The following MEGF11 variants were observed in gnomAD, a reference collection of about 807,000 sequenced individuals.
MEGF11 encodes the protein multiple epidermal growth factor-like domains protein 11.
MEGF11 carries 126 observed loss-of-function variants against 146.6 expected under a neutral mutation model. The observed-to-expected ratio is 0.86, with a 90% CI of 0.74 to 1.00. The LOEUF is 1.00. MEGF11 is among the 50% of genes least tolerant of loss of function. The pLI, the probability that MEGF11 is intolerant of heterozygous loss-of-function variation, is 0.00. For synonymous variants in MEGF11, 532 were observed against 583.4 expected (o/e 0.91, Z 1.27); for missense variants, 1,509 against 1,521.2 (o/e 0.99, Z 0.13).
At chr15:66,086,204 A>G (rs1293743611) in intron 5 of MEGF11, among the ~76,000 whole-genome samples, 1 of 152,224 alleles carries the variant, frequency 6.6e-6, no homozygotes, top group Middle Eastern at 3.2e-3. Flanking sequence ...TTCCTGAGGA[A>G]GAAGAGAATT....
intron 1 of MEGF11, among the ~76,000 whole-genome samples, chr15:66,229,707 A>T (rs2091927185): frequency 6.6e-6 from 1 of 151,686 alleles, no homozygotes; most frequent in Non-Finnish European, 1.5e-5. Context: ...CAAGGCTCCC[A>T]CAGGGAGGAA....
chr15:66,228,580 C>T (rs1054667987), intron 1 of MEGF11, among the ~76,000 whole-genome samples: 3 of 152,134 alleles, frequency 2.0e-5, no homozygotes, highest in Admixed American at 6.5e-5. Flanking sequence ...CAGCCCCTAC[C>T]CCAGAGAGAA....
At chr15:66,085,947 T>C (rs2086090408) in intron 5 of MEGF11, among the ~76,000 whole-genome samples, 1 of 152,016 alleles carries the variant, frequency 6.6e-6, no homozygotes, top group Non-Finnish European at 1.5e-5. Flanking sequence ...GGAGAAATAG[T>C]CAAGGAAATA....
intron 1 of MEGF11, among the ~76,000 whole-genome samples, chr15:66,130,429 A>T (rs1407087937): frequency 2.6e-5 from 4 of 152,126 alleles, no homozygotes; most frequent in Non-Finnish European, 5.9e-5. Flanking sequence ...CTCCCGAGAG[A>T]ACCTCCTGAC....
At chr15:66,056,018 C>T (rs1034625258) in intron 5 of MEGF11, among the ~76,000 whole-genome samples, 2 of 152,180 alleles carry the variant, frequency 1.3e-5, no homozygotes, top group Admixed American at 6.5e-5. Context: ...GAAATATGGT[C>T]CTAAACCAGC....
chr15:66,146,385 T>C (rs1438192443), intron 1 of MEGF11, among the ~76,000 whole-genome samples: 1 of 152,196 alleles, frequency 6.6e-6, no homozygotes, highest in Non-Finnish European at 1.5e-5. Flanking sequence ...TAGACAACAG[T>C]GTCAGCAGAC....
At chr15:66,159,420 G>C (rs138261827) in intron 1 of MEGF11, among the ~76,000 whole-genome samples, 39 of 152,318 alleles carry the variant, frequency 2.6e-4, no homozygotes, top group Middle Eastern at 6.8e-3. Flanking sequence ...CCCATTCCTA[G>C]TCCTGGGGTC....
At chr15:65,908,216 A>AG (rs2078689170) in intron 23 of MEGF11, among the ~76,000 whole-genome samples, 1 of 152,194 alleles carries the variant, frequency 6.6e-6, no homozygotes, top group South Asian at 2.1e-4. Context: ...TACTGGACCC[A>AG]GGGACCTGCA....
At chr15:66,102,103 T>C (rs1433843473) in intron 4 of MEGF11, among the ~76,000 whole-genome samples, 3 of 151,494 alleles carry the variant, frequency 2.0e-5, no homozygotes, top group African/African-American at 4.8e-5. Context: ...CTGGGCCTGA[T>C]AAAAGCTCCA....
In MEGF11 at chr15:66,044,558, TA is replaced by T. The variant is rs1487150815; in HGVS notation, c.394+49843del. Reference sequence around the variant, plus strand: ...TTCTGCATTAGGGGGTCACTTTTCTTAAAAATTGAACTGGTGTGCTGGCTCA... The same window carrying T: ...TTCTGCATTAGGGGGTCACTTTTCTTAAAATTGAACTGGTGTGCTGGCTCA... On this transcript the variant is annotated intron_variant, in intron 5 of 25. Coordinates refer to ENST00000395614, the MANE Select transcript of MEGF11 (RefSeq NM_001385028.1). Among the ~76,000 whole-genome samples the T allele has an allele frequency of 7.2e-5, 11 of 152,178 alleles. 1 individual carries two copies. The highest frequency in any genetic ancestry group is 2.6e-4 in the African/African-American group (11 of 41,512).
At chr15:66,107,059 C>CACCCCT (rs762104709) in intron 4 of MEGF11, among the ~76,000 whole-genome samples, 4 of 141,134 alleles carry the variant, frequency 2.8e-5, no homozygotes, top group Non-Finnish European at 4.7e-5. Context: ...TTCCTACCCC[C>CACCCCT]CCACCAGGTA....
chr15:65,916,084 C>T, intron 18 of MEGF11, 64 bp downstream of exon 18: 1 of 1,492,348 alleles, frequency 6.7e-7, no homozygotes, highest in South Asian at 1.3e-5. Context: ...GAAGTGGGAG[C>T]CATCCTCTGC....
chr15:66,138,116 G>A (rs962232455), intron 1 of MEGF11, among the ~76,000 whole-genome samples: 3 of 152,208 alleles, frequency 2.0e-5, no homozygotes, highest in East Asian at 3.9e-4. Flanking sequence ...ACAAAAAAGG[G>A]AGGGCCCTAC....
intron 1 of MEGF11, among the ~76,000 whole-genome samples, chr15:66,131,226 A>T (rs1345454732): frequency 6.6e-6 from 1 of 152,144 alleles, no homozygotes; most frequent in Non-Finnish European, 1.5e-5. Flanking sequence ...CAGGAGGCGT[A>T]CCTCTCACAC....
rs77904446 is a variant in MEGF11, at chr15:66,119,213, G to C, written c.201-27C>G. 6.9e-4 allele frequency: 1,008 copies of C among 1,453,042 alleles called. 6 individuals carry two copies. The African/African-American group carries it at 0.012, about 18-fold the overall frequency. The allele number at this position is 1,453,042 out of a possible 1,614,324, so 90.0% of individuals were successfully genotyped here. A position where few individuals can be genotyped will look rare whatever the true frequency, so the allele number is the denominator to read the frequency against. ...TAAGGCACAAGGGAGAAAGCCACTTGAAAGTATTGAAAATCAATCACTCCC... is the reference window on the plus strand; with the variant it reads ...TAAGGCACAAGGGAGAAAGCCACTTCAAAGTATTGAAAATCAATCACTCCC... On this transcript the variant is annotated intron_variant, in intron 3 of 25. Coordinates refer to ENST00000395614, the MANE Select transcript of MEGF11 (RefSeq NM_001385028.1).
intron 9 of MEGF11, among the ~76,000 whole-genome samples, chr15:65,958,369 C>T (rs184355938): frequency 6.6e-6 from 1 of 152,234 alleles, no homozygotes; most frequent in Non-Finnish European, 1.5e-5. Flanking sequence ...GGCAGGGGAT[C>T]CCTGGCATGA....
intron 1 of MEGF11, among the ~76,000 whole-genome samples, chr15:66,165,008 G>A (rs894077742): frequency 4.6e-5 from 7 of 152,150 alleles, no homozygotes; most frequent in African/African-American, 1.4e-4. Flanking sequence ...GGAGACTCCC[G>A]GACAGCAGAT....
intron 1 of MEGF11, among the ~76,000 whole-genome samples, chr15:66,187,941 G>A (rs548891567): frequency 6.6e-6 from 1 of 152,318 alleles, no homozygotes; most frequent in East Asian, 1.9e-4. Context: ...GAGGGATAAA[G>A]GGGTATCTCG....
In MEGF11 at chr15:66,094,485, G is replaced by A. The variant is rs145640631; in HGVS notation, c.311C>T (p.Thr104Met). 1.2e-4 allele frequency: 191 copies of A among 1,560,510 alleles called. 1 individual carries two copies. The African/African-American group carries it at 1.9e-3, about 16-fold the overall frequency. ...ESGDFCIPLC[T>M]EECVHGRCVS... ...GCAGCGGCCGTGCACACACTCCTCC[G>A]TACACAGGGCTGAGGGGACATGGGG... The change falls in exon 5 of 26, where the codon ACG (threonine) becomes ATG (methionine). Residue 104 changes from threonine (T) to methionine (M), a missense_variant. Coordinates refer to ENST00000395614, the MANE Select transcript of MEGF11 (RefSeq NM_001385028.1).
Sources: allele counts gnomAD v4.1 joint callset (sites outside exome capture counted in the v4.1 genomes callset), GRCh38; gene constraint gnomAD v4.1.1; transcripts MANE v1.5; gene names NCBI Gene and HGNC (gene_info 2026-07-23, HGNC 2026-07-21).